ZSWIM9: variants seen among roughly 807,000 people sequenced by gnomAD.
ZSWIM9 encodes uncharacterized protein ZSWIM9.
Under a neutral mutation model 25.0 loss-of-function variants are expected in ZSWIM9, and 11 were observed. That is an observed-to-expected ratio of 0.44 (90% CI 0.28 to 0.73). The LOEUF is 0.73. Among genes scored for constraint, ZSWIM9 ranks in the 30% least tolerant of loss-of-function variants. The pLI is 0.16. For synonymous variants in ZSWIM9, 562 were observed against 582.1 expected (o/e 0.97, Z 0.50); for missense variants, 1,070 against 1,296.5 (o/e 0.83, Z 2.68).
In ZSWIM9 at chr19:48,194,883, C is replaced by T; in HGVS notation, c.819C>T (p.Phe273=). ...ARPGTPSLLR[F]ALASLLQSAP... Reference sequence around the variant, plus strand: ...CGGGCACACCGAGCCTGCTGCGCTTCGCGCTCGCGTCGCTGCTGCAGAGCG... The same window carrying T: ...CGGGCACACCGAGCCTGCTGCGCTTTGCGCTCGCGTCGCTGCTGCAGAGCG... Residue 273 remains phenylalanine (F), a synonymous_variant, in exon 4 of 4, where the codon TTC becomes TTT. Coordinates refer to ENST00000614654, the MANE Select transcript of ZSWIM9 (RefSeq NM_199341.4). This position sits in a 1 kb window ranked among gnomAD's most constrained non-coding sequence, Gnocchi z 6.0. The T allele has an allele frequency of 7.5e-6, 10 of 1,325,426 alleles. No homozygotes were observed. Among genetic ancestry groups the T allele is most frequent in the Non-Finnish European group, 8.6e-6 (9 of 1,042,948 alleles). The allele number at this position is 1,325,426 out of a possible 1,614,324, so 82.1% of individuals were successfully genotyped here.
At chr19:48,189,695 G>A (rs1278611242) in intron 3 of ZSWIM9, 1 of 154,186 alleles carries the variant, frequency 6.5e-6, no homozygotes, top group African/African-American at 2.4e-5. Context: ...CTATAAAATA[G>A]AGCAAATAAG....
Position 48,195,732 on chromosome 19 carries a change from T to A in ZSWIM9, c.1668T>A (p.Ile556=). Residue 556 remains isoleucine (I), a synonymous_variant, in exon 4 of 4, where the codon ATT becomes ATA. Transcript: ENST00000614654. This position sits in a 1 kb window ranked among gnomAD's most constrained non-coding sequence, Gnocchi z 5.8. ...AAGGGCACCTGAGAGGGCCAGAGATTAGAGACTGGAGGGGGCCCCAGTTGG... is the reference window on the plus strand; with the variant it reads ...AAGGGCACCTGAGAGGGCCAGAGATAAGAGACTGGAGGGGGCCCCAGTTGG... ...LEKGHLRGPE[I]RDWRGPQLEG... 1 of 1,480,386 alleles carries A rather than the reference T, an allele frequency of 6.8e-7. No homozygotes were observed. The highest frequency in any genetic ancestry group is 1.3e-5 in the South Asian group (1 of 75,100). The allele number at this position is 1,480,386 out of a possible 1,614,324, so 91.7% of individuals were successfully genotyped here. A position where few individuals can be genotyped will look rare whatever the true frequency, so the allele number is the denominator to read the frequency against.
Position 48,182,407 on chromosome 19 carries a change from G to A in ZSWIM9, c.276-48G>A. 7.4e-7 allele frequency: 1 copy of A among 1,347,156 alleles called. No individual in the cohort carries two copies. The highest frequency in any genetic ancestry group is 9.9e-7 in the Non-Finnish European group (1 of 1,006,556). 83.5% of individuals were successfully genotyped at this position (1,347,156 alleles called of 1,614,324 possible). A position where few individuals can be genotyped will look rare whatever the true frequency, so the allele number is the denominator to read the frequency against. On this transcript the variant is annotated intron_variant, in intron 2 of 3. Transcript: ENST00000614654. The surrounding 1 kb of genome is among the most constrained non-coding windows in gnomAD (Gnocchi z 4.6). ...AAAAAAGGTGAGTGGAAAGGAAGAA[G>A]AGGGCAGCAGAGTGATGTGACCAGG...
chr19:48,179,623 G>A (rs1205651007), intron 2 of ZSWIM9, among the ~76,000 whole-genome samples: 1 of 152,202 alleles, frequency 6.6e-6, no homozygotes, highest in Non-Finnish European at 1.5e-5. Context: ...CACACGTTGG[G>A]GTGATTGAAG....
chr19:48,195,909 CTA>C lies in ZSWIM9; in HGVS notation c.1847_1848del (p.Tyr616Ter). 1 of 1,384,230 alleles carries C rather than the reference CTA, an allele frequency of 7.2e-7. No individual in the cohort carries two copies. Among genetic ancestry groups the C allele is most frequent in the African/African-American group, 1.5e-5 (1 of 66,742 alleles). 85.7% of individuals were successfully genotyped at this position (1,384,230 alleles called of 1,614,324 possible). A position where few individuals can be genotyped will look rare whatever the true frequency, so the allele number is the denominator to read the frequency against. On this transcript the variant is annotated frameshift_variant, in exon 4 of 4. Transcript: ENST00000614654. LOFTEE classifies it low-confidence loss of function (END_TRUNC). The surrounding 1 kb of genome is among the most constrained non-coding windows in gnomAD (Gnocchi z 5.8). ...CCGACCTGAGGGGGACCCAGTTTGA[CTA>C]TGAGAGGGTCAGGAGTCTTGAAGGA... ...TTDLRGTQFD[Y>X]ERVRSLEGSP... is the part of the protein sequence containing the mutation.
In ZSWIM9 at chr19:48,197,463, G is replaced by A. The variant is rs918391590; in HGVS notation, c.*636G>A. 8 of 597,540 alleles carry A rather than the reference G, an allele frequency of 1.3e-5. No homozygotes were observed. The highest frequency in any genetic ancestry group is 2.4e-5 in the Non-Finnish European group (8 of 336,328). The allele number at this position is 597,540 out of a possible 1,614,324, so 37.0% of individuals were successfully genotyped here. On this transcript the variant is annotated 3_prime_UTR_variant, in exon 4 of 4. Transcript: ENST00000614654. ...GGTAGAGACGAAATGCAAGGGGCGT[G>A]GTTTTGGTTTTTCTCCAAGACCTGG...
Position 48,182,373 on chromosome 19 carries a change from TAA to T in ZSWIM9, c.276-69_276-68del, listed in dbSNP as rs11373236. 3.1e-3 allele frequency: 3,128 copies of T among 1,020,226 alleles called. No homozygotes were observed. The highest frequency in any genetic ancestry group is 3.6e-3 in the Non-Finnish European group (2,615 of 731,134). The allele number at this position is 1,020,226 out of a possible 1,614,324, so 63.2% of individuals were successfully genotyped here. On this transcript the variant is annotated intron_variant, in intron 2 of 3. Transcript: ENST00000614654. The surrounding 1 kb of genome is among the most constrained non-coding windows in gnomAD (Gnocchi z 4.6). ...TCTATGCCTGAAACAATTCTTAGTT[TAA>T]AAAAAAAAAAAAGGTGAGTGGAAAG...
chr19:48,182,351 ATG>A lies in ZSWIM9; in HGVS notation c.276-103_276-102del, dbSNP rs2036955817. ...TTCTTAGGGCCCTCTACTCTTCTCTATGCCTGAAACAATTCTTAGTTTAAAAA... is the reference window on the plus strand; with the variant it reads ...TTCTTAGGGCCCTCTACTCTTCTCTACCTGAAACAATTCTTAGTTTAAAAA... On this transcript the variant is annotated intron_variant, in intron 2 of 3. Transcript: ENST00000614654. The surrounding 1 kb of genome is among the most constrained non-coding windows in gnomAD (Gnocchi z 4.6). The A allele has an allele frequency of 3.0e-6, 3 of 993,630 alleles. No homozygotes were observed. Among genetic ancestry groups the A allele is most frequent in the Non-Finnish European group, 4.3e-6 (3 of 698,088 alleles). The allele number at this position is 993,630 out of a possible 1,614,324, so 61.6% of individuals were successfully genotyped here.
intron 3 of ZSWIM9, among the ~76,000 whole-genome samples, chr19:48,184,911 CT>C (rs1213310372): frequency 6.6e-6 from 1 of 152,134 alleles, no homozygotes; most frequent in African/African-American, 2.4e-5. Flanking sequence ...CTCCACTGGT[CT>C]TTGCTGATCT....
intron 1 of ZSWIM9, 98 bp downstream of exon 1, chr19:48,170,812 G>C (rs1043470980): frequency 6.0e-6 from 1 of 166,176 alleles, no homozygotes; most frequent in Admixed American, 6.5e-5. Flanking sequence ...CGGGCGGGGA[G>C]GGGGGGAGTA....
Position 48,196,082 on chromosome 19 carries a change from AGTT to A in ZSWIM9, c.2020_2022del (p.Leu674del). 1 of 1,246,696 alleles carries A rather than the reference AGTT, an allele frequency of 8.0e-7. No homozygotes were observed. Among genetic ancestry groups the A allele is most frequent in the Non-Finnish European group, 1.0e-6 (1 of 997,282 alleles). 77.2% of individuals were successfully genotyped at this position (1,246,696 alleles called of 1,614,324 possible). A position where few individuals can be genotyped will look rare whatever the true frequency, so the allele number is the denominator to read the frequency against. On this transcript the variant is annotated inframe_deletion, in exon 4 of 4. Transcript: ENST00000614654. ...GGGATCCCCTTGGAGAAGTCCCTGG[AGTT>A]GGCCCCTGAGAACGGAGACCAAAGG...
intron 2 of ZSWIM9, among the ~76,000 whole-genome samples, chr19:48,175,873 C>T (rs942786891): frequency 3.3e-5 from 5 of 152,134 alleles, no homozygotes; most frequent in African/African-American, 4.8e-5. Context: ...ACACACCGGC[C>T]GTTGAAAACA....
In ZSWIM9 at chr19:48,196,405, T is replaced by C; in HGVS notation, c.2341T>C (p.Trp781Arg). The C allele has an allele frequency of 8.1e-7, 1 of 1,231,964 alleles. No individual in the cohort carries two copies. The highest frequency in any genetic ancestry group is 1.0e-6 in the Non-Finnish European group (1 of 988,076). The allele number at this position is 1,231,964 out of a possible 1,614,324, so 76.3% of individuals were successfully genotyped here. A position where few individuals can be genotyped will look rare whatever the true frequency, so the allele number is the denominator to read the frequency against. The change falls in exon 4 of 4, where the codon TGG (tryptophan) becomes CGG (arginine). Residue 781 changes from tryptophan to arginine, a missense_variant. Around this residue, in one of 4 missense-constraint regions of ZSWIM9, gnomAD observed 583 missense variants for 624.7 expected, o/e 0.93. Coordinates refer to ENST00000614654, the MANE Select transcript of ZSWIM9 (RefSeq NM_199341.4). ...VGTVLEGSPE[W>R]AAARSEHLAA... The stretch of plus-strand genomic sequence containing the variant: ...GACTGTATTGGAAGGCAGCCCAGAA[T>C]GGGCAGCGGCGAGGAGTGAACACCT...
intron 3 of ZSWIM9, among the ~76,000 whole-genome samples, chr19:48,184,391 G>A (rs2036987735): frequency 6.6e-6 from 1 of 152,164 alleles, no homozygotes; most frequent in African/African-American, 2.4e-5. Flanking sequence ...CCAACTTCAA[G>A]TTTGGGGTGA....
chr19:48,173,479 A>G (rs1206048412), intron 2 of ZSWIM9, among the ~76,000 whole-genome samples: 3 of 151,702 alleles, frequency 2.0e-5, no homozygotes, highest in Non-Finnish European at 4.4e-5. Flanking sequence ...TTGTATTTGT[A>G]GTAGAGATGG....
At chr19:48,183,771 G>T (rs1167958391) in intron 3 of ZSWIM9, among the ~76,000 whole-genome samples, 1 of 149,534 alleles carries the variant, frequency 6.7e-6, no homozygotes, top group Non-Finnish European at 1.5e-5. Context: ...CGAGCAGCTG[G>T]GACAACAGGC....
chr19:48,189,827 C>A (rs149183848), intron 3 of ZSWIM9, among the ~76,000 whole-genome samples: 1,669 of 152,138 alleles, frequency 0.011, 30 homozygotes, highest in African/African-American at 0.038. Flanking sequence ...GGGAGTAAGA[C>A]CTTTTATGTA....
chr19:48,171,636 T>C (rs560246072), intron 1 of ZSWIM9, among the ~76,000 whole-genome samples, 158 bp from the exon 2 acceptor site: 1 of 152,108 alleles, frequency 6.6e-6, no homozygotes, highest in South Asian at 2.1e-4. Context: ...TGGAGGTTGA[T>C]ATTTATATAT....
chr19:48,193,678 G>C (rs7359970), intron 3 of ZSWIM9, among the ~76,000 whole-genome samples: 134,910 of 152,236 alleles, frequency 0.89, 59,863 homozygotes, highest in Admixed American at 0.92. Flanking sequence ...TCACAGAAGA[G>C]CGGGACGTGA....
Sources: allele counts gnomAD v4.1 joint callset (sites outside exome capture counted in the v4.1 genomes callset), GRCh38; gene constraint gnomAD v4.1.1; regional missense constraint gnomAD v4.1.1; non-coding constraint Gnocchi (gnomAD v3.1); transcripts MANE v1.5; gene names NCBI Gene and HGNC (gene_info 2026-07-23, HGNC 2026-07-21).